Variants in CCND3 observed in about 807,000 individuals in gnomAD.
CCND3 encodes cyclin D3, also known as G1/S-specific cyclin-D3.
Under a neutral mutation model 28.7 loss-of-function variants are expected in CCND3, and 9 were observed. That is an observed-to-expected ratio of 0.31 (90% CI 0.19 to 0.55). The LOEUF is 0.55. Among genes scored for constraint, CCND3 ranks in the 20% least tolerant of loss-of-function variants. The pLI is 0.93. For missense variants in CCND3, 315 were observed against 385.8 expected, an observed-to-expected ratio of 0.82 and a Z score of 1.54; for synonymous variants, 164 against 163.9, an observed-to-expected ratio of 1.00 and a Z score of 0.00.
At chr6:42,007,671 A>G (rs898149100) in intron 1 of CCND3, among the ~76,000 whole-genome samples, 1 of 152,244 alleles carries the variant, frequency 6.6e-6, no homozygotes, top group Non-Finnish European at 1.5e-5. Flanking sequence ...AAAAAATTTC[A>G]GGACACAAAA....
chr6:41,987,509 CTCTCTCTCTG>C (rs1184517568), intron 1 of CCND3, among the ~76,000 whole-genome samples: 24 of 68,582 alleles, frequency 3.5e-4, no homozygotes, highest in African/African-American at 1.1e-3. Context: ...CTCTCTCTCT[CTCTCTCTCTG>C]TGTGTGTGTG....
chr6:41,937,850 TCCCCTGC>T, intron 2 of CCND3: 2 of 172,488 alleles, frequency 1.2e-5, no homozygotes, highest in South Asian at 1.1e-4. Flanking sequence ...ACCACTAGCT[TCCCCTGC>T]AACTCTGCAT....
chr6:41,950,988 G>C (rs920522777), intron 1 of CCND3, among the ~76,000 whole-genome samples: 1 of 151,996 alleles, frequency 6.6e-6, no homozygotes, highest in South Asian at 2.1e-4. Flanking sequence ...GATTACAGGC[G>C]TGAGCCACTG....
At chr6:41,967,500 C>G (rs1761919370) in intron 1 of CCND3, among the ~76,000 whole-genome samples, 2 of 152,318 alleles carry the variant, frequency 1.3e-5, no homozygotes, top group African/African-American at 2.4e-5. Context: ...TCAGCAAGTT[C>G]CTTCTCAACT....
Position 41,936,926 on chromosome 6 carries a change from A to G in CCND3, c.575-231T>C. 1.7e-6 allele frequency: 1 copy of G among 596,418 alleles called. No individual in the cohort carries two copies. The highest frequency in any genetic ancestry group is 3.0e-6 in the Non-Finnish European group (1 of 337,512). The allele number at this position is 596,418 out of a possible 1,614,324, so 36.9% of individuals were successfully genotyped here. A position where few individuals can be genotyped will look rare whatever the true frequency, so the allele number is the denominator to read the frequency against. ...TTTCCATAGGTCCCGGGAATAGACAAGACACTCCCTAGTATGGGAACACAA... is the reference window on the plus strand; with the variant it reads ...TTTCCATAGGTCCCGGGAATAGACAGGACACTCCCTAGTATGGGAACACAA... On this transcript the variant is annotated intron_variant, in intron 3 of 4. Coordinates refer to ENST00000372991, the MANE Select transcript of CCND3 (RefSeq NM_001760.5). The surrounding 1 kb of genome is among the most constrained non-coding windows in gnomAD (Gnocchi z 4.4).
chr6:41,969,564 C>T (rs1020411276), intron 1 of CCND3, among the ~76,000 whole-genome samples: 1 of 151,936 alleles, frequency 6.6e-6, no homozygotes, highest in Non-Finnish European at 1.5e-5. Flanking sequence ...GGTGAAACCC[C>T]GTCTCCACTA....
intron 1 of CCND3, among the ~76,000 whole-genome samples, chr6:42,040,483 C>G (rs567349721): frequency 6.6e-6 from 1 of 152,180 alleles, no homozygotes; most frequent in South Asian, 2.1e-4. Flanking sequence ...TTTCAGCCAC[C>G]AGGCTCTCAA....
intron 1 of CCND3, chr6:42,011,120 CACTG>C (rs1440838755): frequency 6.6e-6 from 1 of 151,096 alleles, no homozygotes; most frequent in Admixed American, 6.6e-5. Flanking sequence ...ATGGATTTTT[CACTG>C]ACTGATTGAT....
At chr6:41,963,378 A>ATT (rs1342594449) in intron 1 of CCND3, among the ~76,000 whole-genome samples, 1 of 152,240 alleles carries the variant, frequency 6.6e-6, no homozygotes, top group Non-Finnish European at 1.5e-5. Flanking sequence ...ATTGCTGACT[A>ATT]GTAAAGGGGA....
upstream of CCND3, chr6:41,941,879 G>T: frequency 4.3e-6 from 1 of 232,582 alleles, no homozygotes; most frequent in Non-Finnish European, 8.2e-6. This position sits in a 1 kb window ranked among gnomAD's most constrained non-coding sequence, Gnocchi z 6.1. Context: ...CGAGGGGCGG[G>T]GCTGCGGCGC....
Position 41,936,175 on chromosome 6 carries a change from A to C in CCND3, c.712-68T>G. The C allele has an allele frequency of 6.7e-7, 1 of 1,487,236 alleles. No homozygotes were observed. The highest frequency in any genetic ancestry group is 9.0e-7 in the Non-Finnish European group (1 of 1,108,822). 92.1% of individuals were successfully genotyped at this position (1,487,236 alleles called of 1,614,324 possible). On this transcript the variant is annotated intron_variant, in intron 4 of 4. Transcript: ENST00000372991. This position sits in a 1 kb window ranked among gnomAD's most constrained non-coding sequence, Gnocchi z 4.4. ...TAGCATCTGGCAGCAGGTGCAGGGG[A>C]AGGACAGCTCCCAACACATGGGGAA...
At chr6:41,979,563 A>C (rs904833318) in intron 1 of CCND3, among the ~76,000 whole-genome samples, 8 of 150,262 alleles carry the variant, frequency 5.3e-5, no homozygotes, top group African/African-American at 1.9e-4. Context: ...AAATATATAT[A>C]TATGTTCAAT....
rs2127390096 is a variant in CCND3, at chr6:41,936,305, AC to A, written c.712-199del. On this transcript the variant is annotated intron_variant, in intron 4 of 4. Transcript: ENST00000372991. The surrounding 1 kb of genome is among the most constrained non-coding windows in gnomAD (Gnocchi z 4.4). Reference sequence around the variant, plus strand: ...GAGTGTGAGAGCAGCCCTGCATCTGACACCAAACCCCCCACCCCCACTCCAG... The same window carrying A: ...GAGTGTGAGAGCAGCCCTGCATCTGAACCAAACCCCCCACCCCCACTCCAG... 1 of 674,272 alleles carries A rather than the reference AC, an allele frequency of 1.5e-6. No individual in the cohort carries two copies. Among genetic ancestry groups the A allele is most frequent in the Admixed American group, 3.0e-5 (1 of 33,590 alleles). The allele number at this position is 674,272 out of a possible 1,614,324, so 41.8% of individuals were successfully genotyped here.
At chr6:41,974,103 A>G (rs1054194003) in intron 1 of CCND3, among the ~76,000 whole-genome samples, 1 of 152,188 alleles carries the variant, frequency 6.6e-6, no homozygotes, top group African/African-American at 2.4e-5. Flanking sequence ...GAATCGCTTG[A>G]ACCCGGGAGG....
chr6:41,988,630 G>GA (rs1762554025), intron 1 of CCND3, among the ~76,000 whole-genome samples: 1 of 151,932 alleles, frequency 6.6e-6, no homozygotes. Context: ...CCTCATGGGG[G>GA]ATGGCTTTTT....
At chr6:41,998,885 G>A (rs555784016) in intron 1 of CCND3, among the ~76,000 whole-genome samples, 76 of 151,412 alleles carry the variant, frequency 5.0e-4, no homozygotes, top group Middle Eastern at 3.5e-3. Context: ...CTCCATGTTG[G>A]TCAGGCTGGT....
intron 1 of CCND3, among the ~76,000 whole-genome samples, chr6:41,959,467 A>C: frequency 6.6e-6 from 1 of 151,340 alleles, no homozygotes; most frequent in South Asian, 2.1e-4. Flanking sequence ...GGCAGATCAC[A>C]AGGTCAGGAG....
chr6:42,047,378 G>A (rs1209382853), intron 1 of CCND3, among the ~76,000 whole-genome samples: 2 of 152,228 alleles, frequency 1.3e-5, no homozygotes, highest in African/African-American at 4.8e-5. Flanking sequence ...ATTTCCCGAA[G>A]GAGCCCCAGA....
chr6:42,039,752 C>T (rs1488236651), intron 1 of CCND3, among the ~76,000 whole-genome samples: 5 of 152,210 alleles, frequency 3.3e-5, no homozygotes, highest in African/African-American at 1.2e-4. Flanking sequence ...AGCTCACATT[C>T]ACCACCACCC....
Sources: gnomAD v4.1 joint callset for allele counts (sites outside exome capture counted in the v4.1 genomes callset) on GRCh38, gnomAD v4.1.1 for gene constraint, Gnocchi (gnomAD v3.1) non-coding constraint, MANE v1.5 for transcripts, NCBI Gene and HGNC (gene_info 2026-07-23, HGNC 2026-07-21) for gene names.